Variants in PODXL2 observed in about 807,000 individuals in gnomAD.
The protein encoded by PODXL2 is podocalyxin like 2.
In PODXL2, 17 loss-of-function variants were observed where a neutral mutation model predicts 53.4. The ratio of observed to expected loss-of-function variants is 0.32; its 90% CI spans 0.22 to 0.48. The LOEUF is 0.48. Among genes scored for constraint, PODXL2 ranks in the 20% least tolerant of loss-of-function variants. The pLI is 0.99. For synonymous variants in PODXL2, 311 were observed against 306.7 expected (o/e 1.01, Z -0.15); for missense variants, 673 against 760.0 (o/e 0.89, Z 1.35).
At chr3:127,660,257 T>G (rs1282641673) in intron 2 of PODXL2, 121 bp from the exon 3 acceptor site, 1 of 1,288,970 alleles carries the variant, frequency 7.8e-7, no homozygotes, top group African/African-American at 1.5e-5. Flanking sequence ...CTCTCCATCA[T>G]GACCTGATGA....
intron 6 of PODXL2, among the ~76,000 whole-genome samples, chr3:127,670,236 G>A (rs977169384): frequency 2.0e-5 from 3 of 152,190 alleles, no homozygotes; most frequent in Non-Finnish European, 4.4e-5. Context: ...GAGCTGAAGC[G>A]GGAGAGGTTA....
chr3:127,652,374 C>T (rs1284224596), intron 2 of PODXL2, among the ~76,000 whole-genome samples: 1 of 152,164 alleles, frequency 6.6e-6, no homozygotes, highest in East Asian at 1.9e-4. Context: ...TTCACAGTGC[C>T]ATTCCCAGCA....
At chr3:127,635,272 CAG>C (rs966108983) in intron 1 of PODXL2, among the ~76,000 whole-genome samples, 3 of 152,218 alleles carry the variant, frequency 2.0e-5, no homozygotes, top group African/African-American at 7.2e-5. Context: ...GTGGCTCAAA[CAG>C]AGTTATATGG....
chr3:127,634,383 C>T (rs1311492527), intron 1 of PODXL2, among the ~76,000 whole-genome samples: 1 of 150,940 alleles, frequency 6.6e-6, no homozygotes, highest in Admixed American at 6.6e-5. Context: ...TGAGATCACG[C>T]CATTGCACTC....
chr3:127,647,797 A>ACAGT (rs1443652367), intron 2 of PODXL2, among the ~76,000 whole-genome samples: 2 of 152,194 alleles, frequency 1.3e-5, no homozygotes, highest in Non-Finnish European at 2.9e-5. Flanking sequence ...CACTTCAGGA[A>ACAGT]CAGTCACTGG....
intron 2 of PODXL2, among the ~76,000 whole-genome samples, chr3:127,651,554 C>T (rs1003245069): frequency 2.6e-5 from 4 of 152,302 alleles, no homozygotes; most frequent in African/African-American, 9.6e-5. Flanking sequence ...AAATGCCTCT[C>T]TAAAGAGACC....
chr3:127,653,532 G>A (rs1030402552), intron 2 of PODXL2, among the ~76,000 whole-genome samples: 3 of 152,082 alleles, frequency 2.0e-5, no homozygotes, highest in Admixed American at 6.6e-5. Flanking sequence ...TATAGTCCCA[G>A]CTACTCAGGA....
At chr3:127,642,147 A>G (rs770561214) in intron 2 of PODXL2, among the ~76,000 whole-genome samples, 78 of 151,962 alleles carry the variant, frequency 5.1e-4, no homozygotes, top group Non-Finnish European at 8.1e-4. Flanking sequence ...AAAATTAGCC[A>G]GGTGTGGTGG....
intron 1 of PODXL2, among the ~76,000 whole-genome samples, chr3:127,631,888 C>A (rs181510801): frequency 1.3e-5 from 2 of 152,064 alleles, no homozygotes; most frequent in Admixed American, 6.5e-5. Context: ...GAATGAAAAA[C>A]CGGGAAAATA....
At chr3:127,646,046 T>G (rs948118690) in intron 2 of PODXL2, among the ~76,000 whole-genome samples, 2 of 152,202 alleles carry the variant, frequency 1.3e-5, no homozygotes, top group African/African-American at 4.8e-5. Flanking sequence ...AAAACCATGC[T>G]GCAGACAGGC....
chr3:127,665,960 A>C (rs1224680626), intron 4 of PODXL2: 4 of 468,236 alleles, frequency 8.5e-6, no homozygotes, highest in African/African-American at 3.9e-5. Context: ...AGGTGTGCTC[A>C]TGGCTACTGG....
intron 2 of PODXL2, among the ~76,000 whole-genome samples, chr3:127,657,047 A>G (rs2074729333): frequency 6.6e-6 from 1 of 152,200 alleles, no homozygotes; most frequent in South Asian, 2.1e-4. Context: ...TCTCAAAAGC[A>G]GAACAAAACC....
intron 2 of PODXL2, among the ~76,000 whole-genome samples, chr3:127,645,744 G>A (rs1416900995): frequency 6.6e-6 from 1 of 152,238 alleles, no homozygotes; most frequent in African/African-American, 2.4e-5. Flanking sequence ...GGCTAAGGTG[G>A]CAGGCTGACA....
intron 1 of PODXL2, among the ~76,000 whole-genome samples, chr3:127,630,738 G>T (rs1283001209): frequency 6.6e-6 from 1 of 152,220 alleles, no homozygotes; most frequent in Non-Finnish European, 1.5e-5. Context: ...AAGGCCCTAG[G>T]TGGTGTGCAC....
chr3:127,661,687 A>G (rs780121047), intron 3 of PODXL2, among the ~76,000 whole-genome samples: 5 of 152,018 alleles, frequency 3.3e-5, no homozygotes, highest in Non-Finnish European at 5.9e-5. Flanking sequence ...TCCACCCGCT[A>G]TGGCCTCCTG....
intron 2 of PODXL2, among the ~76,000 whole-genome samples, chr3:127,642,435 G>T (rs147437532): frequency 3.6e-4 from 55 of 152,230 alleles, no homozygotes; most frequent in African/African-American, 1.3e-3. Context: ...ACTACCAAAG[G>T]ACTCACAAGT....
chr3:127,668,135 TG>T (rs1227715654), intron 4 of PODXL2, among the ~76,000 whole-genome samples: 3 of 150,908 alleles, frequency 2.0e-5, no homozygotes, highest in Non-Finnish European at 4.5e-5. Context: ...TGTGTGTGTG[TG>T]TGTGTGTCCC....
chr3:127,668,101 C>CGTGTGTGTGT (rs55716588), intron 4 of PODXL2, among the ~76,000 whole-genome samples: 7 of 145,854 alleles, frequency 4.8e-5, no homozygotes, highest in Non-Finnish European at 9.0e-5. Context: ...TACATGGCTG[C>CGTGTGTGTGT]GTGTGTGTGT....
chr3:127,657,820 T>C (rs1438483473), intron 2 of PODXL2, among the ~76,000 whole-genome samples: 1 of 152,244 alleles, frequency 6.6e-6, no homozygotes, highest in Non-Finnish European at 1.5e-5. Context: ...TCTGGATAGA[T>C]CTGGCTATTA....
Sources: allele counts gnomAD v4.1 joint callset (sites outside exome capture counted in the v4.1 genomes callset), GRCh38; gene constraint gnomAD v4.1.1; transcripts MANE v1.5; gene names NCBI Gene and HGNC (gene_info 2026-07-23, HGNC 2026-07-21).